Variants in SLC13A3 observed in about 807,000 individuals in gnomAD.
The protein encoded by SLC13A3 is solute carrier family 13 member 3.
A neutral mutation model predicts 59.0 loss-of-function variants in SLC13A3; 40 were observed. The ratio of observed to expected loss-of-function variants is 0.68; its 90% CI spans 0.53 to 0.88. The LOEUF (loss-of-function observed/expected upper bound fraction) is 0.88, where lower values mean the gene tolerates loss of function less well. Among genes scored for constraint, SLC13A3 ranks in the 40% least tolerant of loss-of-function variants. The probability of loss-of-function intolerance (pLI) is 0.00; values close to 1 mark genes in which losing one functional copy is unlikely to be tolerated. For missense variants in SLC13A3, 699 were observed against 783.2 expected, an observed-to-expected ratio of 0.89 and a Z score of 1.28; for synonymous variants, 317 against 330.3, an observed-to-expected ratio of 0.96 and a Z score of 0.44.
chr20:46,681,597 G>A (rs2063154022), intron 1 of SLC13A3: 1 of 152,352 alleles, frequency 6.6e-6, no homozygotes, highest in Non-Finnish European at 1.5e-5. Context: ...GGACGCAAGG[G>A]AAGACTCCTA....
intron 11 of SLC13A3, 81 bp from the exon 12 acceptor site, chr20:46,563,632 G>GAGAC: frequency 2.1e-6 from 3 of 1,455,546 alleles, no homozygotes; most frequent in Non-Finnish European, 2.8e-6. Context: ...GAGAGAGAGA[G>GAGAC]GCAGTTGGAA....
intron 10 of SLC13A3, among the ~76,000 whole-genome samples, chr20:46,572,652 C>T (rs1168025628): frequency 1.3e-5 from 2 of 152,192 alleles, no homozygotes; most frequent in South Asian, 2.1e-4. Flanking sequence ...TTTTCCTTTT[C>T]CTCAGTATCT....
chr20:46,625,323 T>C (rs539579021), intron 1 of SLC13A3, among the ~76,000 whole-genome samples: 5 of 152,282 alleles, frequency 3.3e-5, no homozygotes, highest in South Asian at 2.1e-4. Context: ...ATTGAGACCA[T>C]GTTTGTGTAT....
intron 9 of SLC13A3, chr20:46,582,911 A>G (rs2062152587): frequency 2.0e-6 from 2 of 985,338 alleles, no homozygotes; most frequent in South Asian, 9.4e-5. Flanking sequence ...ACAGTCTACA[A>G]CATTTTGGTT....
At chr20:46,587,899 T>C (rs1194512882) in intron 8 of SLC13A3, among the ~76,000 whole-genome samples, 160 bp downstream of exon 8, 2 of 152,154 alleles carry the variant, frequency 1.3e-5, no homozygotes, top group African/African-American at 4.8e-5. Context: ...ACCTAAACTC[T>C]TTTGAGAGTG....
At chr20:46,639,978 G>C (rs2062831320) in intron 1 of SLC13A3, among the ~76,000 whole-genome samples, 1 of 152,196 alleles carries the variant, frequency 6.6e-6, no homozygotes, top group African/African-American at 2.4e-5. Flanking sequence ...ACCACTCGGT[G>C]CCTCAGTTTC....
At chr20:46,621,453 A>G (rs2062613253) in intron 1 of SLC13A3, among the ~76,000 whole-genome samples, 1 of 152,226 alleles carries the variant, frequency 6.6e-6, no homozygotes, top group Non-Finnish European at 1.5e-5. Flanking sequence ...GATGGATTAA[A>G]TAGCTGGTAT....
upstream of SLC13A3, among the ~76,000 whole-genome samples, chr20:46,652,632 G>GATCC (rs368768223): frequency 1.5e-4 from 22 of 147,868 alleles, no homozygotes; most frequent in African/African-American, 5.0e-4. Flanking sequence ...CTGGCCTCAT[G>GATCC]ATCCGCCCAT....
intron 1 of SLC13A3, among the ~76,000 whole-genome samples, chr20:46,616,725 G>A (rs987766791): frequency 6.6e-6 from 1 of 152,220 alleles, no homozygotes; most frequent in African/African-American, 2.4e-5. Flanking sequence ...GTTTAGAGAA[G>A]CTCCTGGAAT....
intron 8 of SLC13A3, chr20:46,585,848 C>T: frequency 8.4e-7 from 1 of 1,191,572 alleles, no homozygotes; most frequent in Non-Finnish European, 1.1e-6. Flanking sequence ...TTATAACAAC[C>T]TTCAGGAGAT....
At chr20:46,627,323 A>C (rs1266942372) in intron 1 of SLC13A3, among the ~76,000 whole-genome samples, 1 of 152,216 alleles carries the variant, frequency 6.6e-6, no homozygotes, top group Non-Finnish European at 1.5e-5. Flanking sequence ...TGGATATAGA[A>C]AACTATTATT....
chr20:46,580,069 C>T (rs2062120311), intron 9 of SLC13A3, among the ~76,000 whole-genome samples: 1 of 152,136 alleles, frequency 6.6e-6, no homozygotes, highest in Admixed American at 6.5e-5. Flanking sequence ...AATTCTTCTG[C>T]CTCAGCCTCC....
chr20:46,640,518 G>A (rs972778962), intron 1 of SLC13A3, among the ~76,000 whole-genome samples: 3 of 152,174 alleles, frequency 2.0e-5, no homozygotes, highest in African/African-American at 4.8e-5. Flanking sequence ...AAAGAGCAGA[G>A]AGTCTGGACT....
rs112044947 is a variant in SLC13A3 at position 46,610,029 on chromosome 20, T to C, written c.541+417A>G. The stretch of plus-strand genomic sequence containing the variant: ...CCTGTGGCCCCTATTCCTGTCAACA[T>C]GGGGATTCATCAGCTTCCTTATTTC... On this transcript the variant is annotated intron_variant, in intron 3 of 12. Transcript: ENST00000279027. 5.6e-3 allele frequency among the ~76,000 whole-genome samples: 847 copies of C among 152,322 alleles called. 11 individuals carry two copies. The highest frequency in any genetic ancestry group is 0.02 in the African/African-American group (813 of 41,568).
intron 9 of SLC13A3, chr20:46,582,995 C>T (rs1890810031): frequency 2.0e-6 from 2 of 985,802 alleles, no homozygotes; most frequent in Non-Finnish European, 2.4e-6. Flanking sequence ...CCCAACACTT[C>T]CTATACGGTT....
chr20:46,671,279 C>A (rs1391790051), upstream of SLC13A3, among the ~76,000 whole-genome samples: 1 of 152,142 alleles, frequency 6.6e-6, no homozygotes. Context: ...CTTTGAGGGG[C>A]CATCCCCCTT....
chr20:46,646,601 C>G (rs1283511072), intron 1 of SLC13A3, among the ~76,000 whole-genome samples: 1 of 152,160 alleles, frequency 6.6e-6, no homozygotes, highest in African/African-American at 2.4e-5. Context: ...GCCCAGGCTC[C>G]CCTCTTCAGA....
chr20:46,581,437 A>G (rs1760650599), intron 9 of SLC13A3, among the ~76,000 whole-genome samples: 1 of 152,194 alleles, frequency 6.6e-6, no homozygotes, highest in African/African-American at 2.4e-5. Context: ...GGAAACAGAG[A>G]CCCACTGGGC....
chr20:46,587,210 C>T (rs1026059962), intron 8 of SLC13A3, among the ~76,000 whole-genome samples: 4 of 152,260 alleles, frequency 2.6e-5, no homozygotes, highest in African/African-American at 9.6e-5. Flanking sequence ...TTTTATGAGC[C>T]ATTTTAATCA....
Sources: allele counts gnomAD v4.1 joint callset (sites outside exome capture counted in the v4.1 genomes callset), GRCh38; gene constraint gnomAD v4.1.1; transcripts MANE v1.5; gene names NCBI Gene and HGNC (gene_info 2026-07-23, HGNC 2026-07-21).